The following SIDT1 variants were observed in gnomAD, a reference collection of about 807,000 sequenced individuals.
The protein encoded by SIDT1 is SID1 transmembrane family, member 1.
Under a neutral mutation model 107.5 loss-of-function variants are expected in SIDT1, and 101 were observed. The ratio of observed to expected loss-of-function variants is 0.94; its 90% confidence interval spans 0.80 to 1.11. The LOEUF (loss-of-function observed/expected upper bound fraction) is 1.11. SIDT1 is among the 50% of genes least tolerant of loss of function. SIDT1 has a pLI of 0.00. For missense variants in SIDT1, 1,076 were observed against 1,058.2 expected, an observed-to-expected ratio of 1.02 and a Z score of -0.23; for synonymous variants, 395 against 398.2, an observed-to-expected ratio of 0.99 and a Z score of 0.10.
rs1945486006 is a variant in SIDT1, at chr3:113,608,306, G to A, written c.1602+89G>A. 9.7e-6 allele frequency: 15 copies of A among 1,545,424 alleles called. No homozygotes were observed. The South Asian group carries it at 1.7e-4, about 18-fold the overall frequency. ...GGGACATCTGGCTTAATGGTGTGATGATTTATTATGTGTAATAAACTACAT... is the reference window on the plus strand; with the variant it reads ...GGGACATCTGGCTTAATGGTGTGATAATTTATTATGTGTAATAAACTACAT... On this transcript the variant is annotated intron_variant, in intron 16 of 24. Coordinates refer to ENST00000264852, the MANE Select transcript of SIDT1 (RefSeq NM_017699.3).
chr3:113,588,083 G>A lies in SIDT1; in HGVS notation c.1001+2813G>A, dbSNP rs139165014. Among the ~76,000 whole-genome samples the A allele has an allele frequency of 3.7e-3, 557 of 152,306 alleles. 3 individuals are homozygous for A. The highest frequency in any genetic ancestry group is 0.013 in the African/African-American group (531 of 41,572). On this transcript the variant is annotated intron_variant, in intron 9 of 24. Transcript: ENST00000264852. Reference sequence around the variant, plus strand: ...TGTTCCTCATTAGTTAGCTAGTATAGTTAACATACAAACAGACAAGTTAAG... The same window carrying A: ...TGTTCCTCATTAGTTAGCTAGTATAATTAACATACAAACAGACAAGTTAAG...
intron 20 of SIDT1, among the ~76,000 whole-genome samples, chr3:113,617,239 T>C (rs754187609): frequency 6.6e-6 from 1 of 152,222 alleles, no homozygotes; most frequent in Non-Finnish European, 1.5e-5. Context: ...CATTTCTGTA[T>C]TGCTTGATTT....
chr3:113,534,946 G>T (rs577957023), intron 1 of SIDT1, among the ~76,000 whole-genome samples: 67 of 152,254 alleles, frequency 4.4e-4, no homozygotes, highest in Admixed American at 2.6e-4. Flanking sequence ...GTTCATCTCT[G>T]CCCTCCAGTA....
rs34308658 is a variant in SIDT1, at chr3:113,541,925, C to CT, written c.222+8699dup. 9.1e-3 allele frequency among the ~76,000 whole-genome samples: 1,168 copies of CT among 128,190 alleles called. 20 individuals carry two copies. Among genetic ancestry groups the CT allele is most frequent in the African/African-American group, 0.025 (870 of 34,414 alleles). The allele number at this position is 128,190 out of a possible 152,430, so 84.1% of individuals were successfully genotyped here. On this transcript the variant is annotated intron_variant, in intron 1 of 24. Transcript: ENST00000264852. ...AGTAGGTCAATTTTTCTTTTTCTTT[C>CT]TTTTTTTTTTTTTTTTTAGATGGAG...
chr3:113,561,475 T>C (rs1941421999), intron 1 of SIDT1, among the ~76,000 whole-genome samples: 1 of 152,208 alleles, frequency 6.6e-6, no homozygotes, highest in Non-Finnish European at 1.5e-5. Context: ...GGGGTAATCA[T>C]GGCAGTGATA....
the SIDT1 span, among the ~76,000 whole-genome samples, chr3:113,634,790 C>T: frequency 6.6e-6 from 1 of 152,022 alleles, no homozygotes; most frequent in East Asian, 1.9e-4. Context: ...GGGGACAGAG[C>T]GAGGCTCCAT....
intron 1 of SIDT1, among the ~76,000 whole-genome samples, chr3:113,545,223 A>T (rs1230041514): frequency 6.6e-6 from 1 of 150,998 alleles, no homozygotes; most frequent in Non-Finnish European, 1.5e-5. Context: ...TTTAGCATCC[A>T]CTGATTATTC....
intron 3 of SIDT1, among the ~76,000 whole-genome samples, chr3:113,568,616 GAAAA>G (rs1942153084): frequency 1.3e-5 from 2 of 149,318 alleles, no homozygotes; most frequent in Non-Finnish European, 3.0e-5. Flanking sequence ...GAAAAGAAAA[GAAAA>G]GAAAAGAAAA....
intron 1 of SIDT1, among the ~76,000 whole-genome samples, chr3:113,561,415 C>A (rs138805132): frequency 6.6e-6 from 1 of 152,100 alleles, no homozygotes; most frequent in Non-Finnish European, 1.5e-5. Context: ...AAGTGGATTG[C>A]GAAAGCCAGG....
chr3:113,554,487 A>G (rs1360190133), intron 1 of SIDT1, among the ~76,000 whole-genome samples: 1 of 152,114 alleles, frequency 6.6e-6, no homozygotes, highest in Non-Finnish European at 1.5e-5. Context: ...TACGTCTCAC[A>G]AGATCTAATG....
In SIDT1 at chr3:113,581,800, G is replaced by A. The variant is rs934047089; in HGVS notation, c.747+356G>A. 1.8e-5 allele frequency: 4 copies of A among 218,570 alleles called. No individual in the cohort carries two copies. In the Admixed American group the frequency reaches 2.1e-4, roughly 12 times the overall value. The allele number at this position is 218,570 out of a possible 1,614,324, so 13.5% of individuals were successfully genotyped here. A position where few individuals can be genotyped will look rare whatever the true frequency, so the allele number is the denominator to read the frequency against. On this transcript the variant is annotated intron_variant, in intron 6 of 24. Transcript: ENST00000264852. ...AGGCAGGAGAGTCTCTTGAACCCAA[G>A]AGGCAGAGGTTGAAGTGAGCCAAGA...
Position 113,592,100 on chromosome 3 carries a change from G to C in SIDT1, c.1002-905G>C, listed in dbSNP as rs76240357. The stretch of plus-strand genomic sequence containing the variant: ...AATGTCTAAAATAGGCAAACTTATA[G>C]AGACAGAAAGTAGATTAGTGTTTTC... On this transcript the variant is annotated intron_variant, in intron 9 of 24. Coordinates refer to ENST00000264852, the MANE Select transcript of SIDT1 (RefSeq NM_017699.3). Among the ~76,000 whole-genome samples the C allele has an allele frequency of 3.8e-3, 576 of 152,318 alleles. 3 individuals are homozygous for C. The highest frequency in any genetic ancestry group is 0.013 in the African/African-American group (557 of 41,560).
At chr3:113,547,749 G>A (rs1939759469) in intron 1 of SIDT1, among the ~76,000 whole-genome samples, 1 of 151,932 alleles carries the variant, frequency 6.6e-6, no homozygotes, top group Non-Finnish European at 1.5e-5. Flanking sequence ...CTCCCTATTT[G>A]GACCACTGAA....
In SIDT1 at chr3:113,593,060, G is replaced by T; in HGVS notation, c.1045+12G>T. On this transcript the variant is annotated intron_variant, in intron 10 of 24. Transcript: ENST00000264852. ...TGGGTCCAATGATGGTAAGAGCAAT[G>T]CTTGGTTTCAATTCAAAATGGTGTC... 1 of 1,609,750 alleles carries T rather than the reference G, an allele frequency of 6.2e-7. No homozygotes were observed. Among genetic ancestry groups the T allele is most frequent in the Non-Finnish European group, 8.5e-7 (1 of 1,176,020 alleles).
chr3:113,587,212 T>C (rs1341079650), intron 9 of SIDT1, among the ~76,000 whole-genome samples: 1 of 152,232 alleles, frequency 6.6e-6, no homozygotes, highest in Admixed American at 6.5e-5. Context: ...TCTTGATACA[T>C]ATATATCATA....
Position 113,601,621 on chromosome 3 carries a change from C to T in SIDT1, c.1079C>T (p.Ala360Val). Residue 360 changes from alanine to valine, a missense_variant, in exon 11 of 25, where the codon GCT becomes GTT. Ala to Val is a moderately conservative substitution (Grantham distance 64, BLOSUM62 0). Transcript: ENST00000264852. ...AATATGGTGGCATCTCATCCCATTG[C>T]TGCCAGCACACCCGAAGGGAGCAAT... ...SGNMVASHPI[A>V]ASTPEGSNYG... is the part of the protein sequence containing the mutation. 1 of 1,613,920 alleles carries T rather than the reference C, an allele frequency of 6.2e-7. No homozygotes were observed. Among genetic ancestry groups the T allele is most frequent in the Non-Finnish European group, 8.5e-7 (1 of 1,179,790 alleles).
At chr3:113,568,626 G>GA (rs1248446060) in intron 3 of SIDT1, among the ~76,000 whole-genome samples, 37 of 138,696 alleles carry the variant, frequency 2.7e-4, no homozygotes, top group Non-Finnish European at 5.5e-4. Context: ...GAAAAGAAAA[G>GA]AAAAAAAACA....
intron 20 of SIDT1, among the ~76,000 whole-genome samples, chr3:113,617,212 T>C (rs1420474129): frequency 6.6e-6 from 1 of 152,224 alleles, no homozygotes; most frequent in Non-Finnish European, 1.5e-5. Context: ...ATTACGAACT[T>C]ACACTTCCAC....
At chr3:113,595,163 C>T (rs2614192) in intron 10 of SIDT1, among the ~76,000 whole-genome samples, 85,577 of 152,034 alleles carry the variant, frequency 0.56, 24,819 homozygotes, top group African/African-American at 0.69. Flanking sequence ...TTATTGACAT[C>T]ATAGGCCAGA....
Sources: gnomAD v4.1 joint callset for allele counts (sites outside exome capture counted in the v4.1 genomes callset) on GRCh38, gnomAD v4.1.1 for gene constraint, MANE v1.5 for transcripts, NCBI Gene and HGNC (gene_info 2026-07-23, HGNC 2026-07-21) for gene names.